Variants in BICD1 observed in about 807,000 individuals in gnomAD.
BICD1 encodes protein bicaudal D homolog 1.
A neutral mutation model predicts 92.5 loss-of-function variants in BICD1; 35 were observed. The ratio of observed to expected loss-of-function variants is 0.38; its 90% CI spans 0.29 to 0.50. The LOEUF is 0.50. Among genes scored for constraint, BICD1 ranks in the 20% least tolerant of loss-of-function variants. BICD1 has a pLI of 0.93. For missense variants in BICD1, 950 were observed against 1,189.8 expected (o/e 0.80, Z 2.97); for synonymous variants, 429 against 465.1 (o/e 0.92, Z 1.00).
intron 1 of BICD1, among the ~76,000 whole-genome samples, chr12:32,114,383 C>CT (rs991830301): frequency 9.9e-5 from 15 of 151,676 alleles, no homozygotes; most frequent in Non-Finnish European, 1.2e-4. Context: ...CCTCAACTTT[C>CT]TTTTTTTTCT....
At chr12:32,263,259 TAAG>T (rs2136130429) in intron 2 of BICD1, among the ~76,000 whole-genome samples, 1 of 150,822 alleles carries the variant, frequency 6.6e-6, no homozygotes, top group Non-Finnish European at 1.5e-5. Flanking sequence ...CATTTTAAAA[TAAG>T]AAAAGGCCAG....
At chr12:32,370,715 A>T (rs900092525) in intron 9 of BICD1, among the ~76,000 whole-genome samples, 1 of 152,246 alleles carries the variant, frequency 6.6e-6, no homozygotes, top group African/African-American at 2.4e-5. Context: ...TCAGATGACA[A>T]TAGATACTGA....
chr12:32,198,437 A>G (rs1335391144), intron 1 of BICD1, among the ~76,000 whole-genome samples: 1 of 148,714 alleles, frequency 6.7e-6, no homozygotes, highest in East Asian at 2.0e-4. Context: ...TGAATGTTGC[A>G]TTAGTTGGCA....
intron 1 of BICD1, among the ~76,000 whole-genome samples, chr12:32,151,440 T>TA (rs1435480793): frequency 6.6e-6 from 1 of 152,372 alleles, no homozygotes; most frequent in East Asian, 1.9e-4. Flanking sequence ...CAGCTTTGGC[T>TA]AAATCACTTA....
At chr12:32,168,387 T>A (rs552105912) in intron 1 of BICD1, among the ~76,000 whole-genome samples, 88 of 152,182 alleles carry the variant, frequency 5.8e-4, no homozygotes, top group Admixed American at 1.2e-3. Context: ...CAGTTCATAC[T>A]AAGGGGCAAA....
intron 3 of BICD1, among the ~76,000 whole-genome samples, chr12:32,302,680 C>T (rs970483491): frequency 2.6e-4 from 40 of 152,096 alleles, no homozygotes; most frequent in African/African-American, 9.2e-4. Context: ...GAAACTCCTA[C>T]TTGATTAGAA....
chr12:32,131,050 G>A (rs2019688), intron 1 of BICD1, among the ~76,000 whole-genome samples: 2,026 of 152,038 alleles, frequency 0.013, 16 homozygotes, highest in Middle Eastern at 0.017. Context: ...GGCCAGGCTG[G>A]TCTCGAACTC....
intron 1 of BICD1, among the ~76,000 whole-genome samples, chr12:32,207,935 G>C (rs1428159092): frequency 1.3e-5 from 2 of 152,198 alleles, no homozygotes; most frequent in East Asian, 3.9e-4. Flanking sequence ...TCTTGGATAA[G>C]TCCAAGGAAA....
intron 4 of BICD1, among the ~76,000 whole-genome samples, chr12:32,320,365 G>A (rs1948618326): frequency 6.6e-6 from 1 of 152,130 alleles, no homozygotes; most frequent in Non-Finnish European, 1.5e-5. Context: ...TTTGAGGCTG[G>A]GCACGGTGGC....
At chr12:32,241,011 G>A (rs1946221554) in intron 2 of BICD1, among the ~76,000 whole-genome samples, 1 of 152,064 alleles carries the variant, frequency 6.6e-6, no homozygotes, top group Admixed American at 6.5e-5. Context: ...AGCAGAGGAG[G>A]GCAGTGAGTC....
chr12:32,180,119 C>T (rs951132931), intron 1 of BICD1, among the ~76,000 whole-genome samples: 2 of 151,678 alleles, frequency 1.3e-5, no homozygotes, highest in Non-Finnish European at 2.9e-5. Flanking sequence ...CTTTTTTAGA[C>T]TTTCATTTTC....
At chr12:32,230,730 G>A (rs1414973106) in intron 2 of BICD1, among the ~76,000 whole-genome samples, 1 of 152,192 alleles carries the variant, frequency 6.6e-6, no homozygotes, top group East Asian at 1.9e-4. Flanking sequence ...TCACTTTCCA[G>A]CCATGTGGAG....
At chr12:32,329,433 A>G (rs1937733324) in intron 5 of BICD1, among the ~76,000 whole-genome samples, 1 of 152,196 alleles carries the variant, frequency 6.6e-6, no homozygotes, top group South Asian at 2.1e-4. Flanking sequence ...TTTGTCCTTC[A>G]TCCCAAACTT....
intron 1 of BICD1, among the ~76,000 whole-genome samples, chr12:32,123,173 TC>T (rs1942215784): frequency 6.6e-6 from 1 of 152,160 alleles, no homozygotes; most frequent in Non-Finnish European, 1.5e-5. Context: ...GTTATGATTT[TC>T]AATAGAGTGA....
chr12:32,280,907 A>T (rs1947394606), intron 2 of BICD1, among the ~76,000 whole-genome samples: 1 of 152,368 alleles, frequency 6.6e-6, no homozygotes, highest in African/African-American at 2.4e-5. Context: ...TGCTTTTTTA[A>T]AAGGACAAAG....
chr12:32,295,097 A>AAG (rs1947832292), intron 3 of BICD1, among the ~76,000 whole-genome samples: 1 of 150,740 alleles, frequency 6.6e-6, no homozygotes, highest in South Asian at 2.1e-4. Flanking sequence ...AAAAAAAAAA[A>AAG]AAGAAAAAGA....
At chr12:32,137,678 C>T (rs2121343410) in intron 1 of BICD1, among the ~76,000 whole-genome samples, 1 of 152,222 alleles carries the variant, frequency 6.6e-6, no homozygotes, top group East Asian at 1.9e-4. Flanking sequence ...TGATTAAATG[C>T]CTCCTTTGTA....
chr12:32,329,984 G>A (rs890324208), intron 5 of BICD1, among the ~76,000 whole-genome samples: 5 of 152,262 alleles, frequency 3.3e-5, no homozygotes, highest in African/African-American at 1.2e-4. Context: ...TCCTGCAAAC[G>A]CAAGCAGTGC....
intron 1 of BICD1, among the ~76,000 whole-genome samples, chr12:32,159,379 T>G (rs980993845): frequency 3.3e-5 from 5 of 152,108 alleles, no homozygotes; most frequent in African/African-American, 1.2e-4. Flanking sequence ...TAGTAGGCCA[T>G]GAGGGATGGA....
Sources: allele counts gnomAD v4.1 joint callset (sites outside exome capture counted in the v4.1 genomes callset), GRCh38; gene constraint gnomAD v4.1.1; transcripts MANE v1.5; gene names NCBI Gene and HGNC (gene_info 2026-07-23, HGNC 2026-07-21).